PCAT7: variants seen among roughly 807,000 people sequenced by gnomAD.
PCAT7 encodes the protein prostate cancer associated transcript 7, also known as prostate cancer associated transcript 7 (non-protein coding).
intron 2 of PCAT7, among the ~76,000 whole-genome samples, chr9:94,566,780 G>T (rs1827196096): frequency 6.6e-6 from 1 of 152,190 alleles, no homozygotes. Flanking sequence ...GGATTAAAGG[G>T]TTGGTATGAA....
At chr9:94,559,899 A>C (rs1364584121) in intron 2 of PCAT7, among the ~76,000 whole-genome samples, 1 of 152,122 alleles carries the variant, frequency 6.6e-6, no homozygotes, top group Non-Finnish European at 1.5e-5. Flanking sequence ...AGGCCGAGGC[A>C]AAAGGATCGC....
intron 2 of PCAT7, among the ~76,000 whole-genome samples, chr9:94,565,368 CAA>C (rs369180827): frequency 6.0e-4 from 28 of 46,558 alleles, no homozygotes; most frequent in Non-Finnish European, 5.6e-4. Flanking sequence ...GACTCCACCT[CAA>C]AAAAAAAAAA....
chr9:94,559,507 C>T (rs113584448), intron 2 of PCAT7, among the ~76,000 whole-genome samples: 14 of 150,042 alleles, frequency 9.3e-5, no homozygotes, highest in African/African-American at 3.5e-4. Context: ...ATATGTGAGA[C>T]CTCAAGGCTG....
intron 2 of PCAT7, among the ~76,000 whole-genome samples, chr9:94,561,357 T>A: frequency 1.2e-5 from 1 of 85,722 alleles, no homozygotes; most frequent in African/African-American, 3.4e-5. Flanking sequence ...CCTGTATTTT[T>A]TTTTTTTTTT....
chr9:94,558,201 C>A (rs200804006), intron 1 of PCAT7, among the ~76,000 whole-genome samples: 1 of 152,166 alleles, frequency 6.6e-6, no homozygotes, highest in East Asian at 1.9e-4. Context: ...AAATACTCTT[C>A]TAAGATATTA....
At chr9:94,561,176 C>T (rs1827093390) in intron 2 of PCAT7, among the ~76,000 whole-genome samples, 1 of 152,054 alleles carries the variant, frequency 6.6e-6, no homozygotes, top group African/African-American at 2.4e-5. Flanking sequence ...ATCAATTATC[C>T]TGTTGAGTCA....
chr9:94,570,955 T>A (rs1827262589), intron 2 of PCAT7: 1 of 152,328 alleles, frequency 6.6e-6, no homozygotes, highest in Non-Finnish European at 1.5e-5. Context: ...CCTTTTGGTC[T>A]AAGTGAACAA....
chr9:94,558,480 A>T (rs1343936471), intron 1 of PCAT7, among the ~76,000 whole-genome samples: 1 of 152,054 alleles, frequency 6.6e-6, no homozygotes, highest in Non-Finnish European at 1.5e-5. Flanking sequence ...TTTTTAGTAG[A>T]GATGGGGTTT....
chr9:94,555,375 G>A (rs796580731), intron 1 of PCAT7: 1 of 151,856 alleles, frequency 6.6e-6, no homozygotes, highest in African/African-American at 2.4e-5. Flanking sequence ...AGTGCCAAAG[G>A]GAAAAAAGGA....
chr9:94,571,243 T>C (rs1329269050), intron 2 of PCAT7, among the ~76,000 whole-genome samples: 1 of 152,202 alleles, frequency 6.6e-6, no homozygotes, highest in Non-Finnish European at 1.5e-5. Flanking sequence ...TTGATGCAAC[T>C]GGCTCTGCAG....
At chr9:94,559,222 G>T in intron 2 of PCAT7, 1 of 1,180,982 alleles carries the variant, frequency 8.5e-7, no homozygotes, top group Non-Finnish European at 1.2e-6. Context: ...AGTTTGTACT[G>T]CGGTGCTTCC....
At chr9:94,558,364 G>A (rs932640872) in intron 1 of PCAT7, among the ~76,000 whole-genome samples, 19 of 152,118 alleles carry the variant, frequency 1.2e-4, no homozygotes, top group Middle Eastern at 3.4e-3. Flanking sequence ...GCGCGATCTC[G>A]GCTCACTGCA....
chr9:94,567,705 A>G (rs911843466), intron 2 of PCAT7: 5 of 323,466 alleles, frequency 1.5e-5, no homozygotes, highest in Non-Finnish European at 2.9e-5. Context: ...GAGGCTCCTC[A>G]TTTATGGTGA....
In PCAT7 at chr9:94,567,227, G is replaced by T. The variant is rs754191275; in HGVS notation, n.442-5752G>T. On this transcript the variant is annotated intron_variant and non_coding_transcript_variant, in intron 2 of 8. Transcript: ENST00000647389. ...CCACCACCCAAACAGGACCCCATGG[G>T]GACAGCATTCTGTCTGCCACCCACC... 3.1e-6 allele frequency: 5 copies of T among 1,610,244 alleles called. No homozygotes were observed. In the Admixed American group the frequency reaches 8.3e-5, roughly 27 times the overall value.
chr9:94,572,390 C>T (rs2131451445), intron 2 of PCAT7, among the ~76,000 whole-genome samples: 1 of 152,192 alleles, frequency 6.6e-6, no homozygotes. Context: ...TTCAAACTGG[C>T]CCAATGTGAG....
intron 1 of PCAT7, among the ~76,000 whole-genome samples, chr9:94,555,977 AAGATGGGGAAATTTTGGGGGGT>A (rs1167213650): frequency 6.7e-6 from 1 of 149,386 alleles, no homozygotes; most frequent in Non-Finnish European, 1.5e-5. Context: ...ACTTTGTGAA[AAGATGGGGAAATTTTGGGGGGT>A]AGATGGGGAA....
chr9:94,569,827 A>G (rs911208897), intron 2 of PCAT7: 1 of 152,210 alleles, frequency 6.6e-6, no homozygotes, highest in Non-Finnish European at 1.5e-5. Context: ...ACAAAATCAA[A>G]TCACCAGCCC....
chr9:94,562,044 A>G (rs148274198), intron 2 of PCAT7, among the ~76,000 whole-genome samples: 3,997 of 152,064 alleles, frequency 0.026, 163 homozygotes, highest in African/African-American at 0.089. Context: ...GGGCGCTGTG[A>G]CTCATACCTG....
chr9:94,555,652 T>G (rs564384265), intron 1 of PCAT7, among the ~76,000 whole-genome samples: 7 of 149,938 alleles, frequency 4.7e-5, no homozygotes, highest in Admixed American at 2.0e-4. Flanking sequence ...GAGAAGTTTT[T>G]GGGTAGAGGA....
Sources: gnomAD v4.1 joint callset for allele counts (sites outside exome capture counted in the v4.1 genomes callset) on GRCh38, gnomAD v4.1.1 for gene constraint, MANE v1.5 for transcripts, NCBI Gene and HGNC (gene_info 2026-07-23, HGNC 2026-07-21) for gene names.